The following RBM33 variants were observed in gnomAD, a reference collection of about 807,000 sequenced individuals.
RBM33 encodes RNA-binding protein 33.
RBM33 carries 28 observed loss-of-function variants against 132.6 expected under a neutral mutation model. The observed-to-expected ratio is 0.21, with a 90% CI of 0.16 to 0.29. The LOEUF (loss-of-function observed/expected upper bound fraction) is 0.29, where lower values mean the gene tolerates loss of function less well. RBM33 is among the 10% of genes least tolerant of loss of function. The probability of loss-of-function intolerance (pLI) is 1.00; values close to 1 mark genes in which losing one functional copy is unlikely to be tolerated. For synonymous variants in RBM33, 634 were observed against 593.0 expected, an observed-to-expected ratio of 1.07 and a Z score of -1.01; for missense variants, 1,291 against 1,518.5, an observed-to-expected ratio of 0.85 and a Z score of 2.49.
rs1799311660 is a variant in RBM33 at position 155,680,604 on chromosome 7, C to G, written c.263C>G (p.Thr88Arg). The change falls in exon 5 of 18, where the codon ACA (threonine) becomes AGA (arginine). Residue 88 changes from threonine (T) to arginine (R), a missense_variant. Physicochemically the swap from Thr to Arg is moderately conservative, Grantham distance 71. Transcript: ENST00000401878. ...DEENFSSQGV[T>R]ISLNATSGMV... ...GTCCTCTCTAGTTCTCAGGGTGTTA[C>G]AATTAGTCTGAATGCTACATCTGGC... 1 of 1,596,742 alleles carries G rather than the reference C, an allele frequency of 6.3e-7. No individual in the cohort carries two copies. The highest frequency in any genetic ancestry group is 8.5e-7 in the Non-Finnish European group (1 of 1,173,318).
At position 155,774,920 on chromosome 7, in the gene RBM33, G is replaced by GT; in HGVS notation, c.3465-70dup. On this transcript the variant is annotated intron_variant, in intron 17 of 17. Transcript: ENST00000401878. This position sits in a 1 kb window ranked among gnomAD's most constrained non-coding sequence, Gnocchi z 4.2. ...AAACAGGACCCACCGGGCTCTTTTA[G>GT]TTTCCTCCCACCTTGGTAGGTTGAT... 1 of 1,441,366 alleles carries GT rather than the reference G, an allele frequency of 6.9e-7. No individual in the cohort carries two copies. The highest frequency in any genetic ancestry group is 1.1e-5 in the South Asian group (1 of 87,208). 89.3% of individuals were successfully genotyped at this position (1,441,366 alleles called of 1,614,324 possible).
chr7:155,717,493 CG>C (rs1563158419), intron 8 of RBM33, among the ~76,000 whole-genome samples: 29 of 66,600 alleles, frequency 4.4e-4, no homozygotes, highest in African/African-American at 1.8e-3. Context: ...TTCTGAGGTA[CG>C]GGGGGTTGGG....
intron 1 of RBM33, among the ~76,000 whole-genome samples, chr7:155,654,643 G>T (rs1371449812): frequency 6.6e-5 from 10 of 152,072 alleles, no homozygotes; most frequent in African/African-American, 2.4e-4. Flanking sequence ...GTTATTCTCA[G>T]CCTTCATCTC....
rs762566133 is a variant in RBM33, at chr7:155,680,916, T to C, written c.567+8T>C. On this transcript the variant is annotated splice_region_variant and intron_variant, in intron 5 of 17. Transcript: ENST00000401878. ...CCTTTAGATGAATTTACAGTGAGTC[T>C]TTTCTCCTTTGTATGGCCAAAGATA... is the stretch of plus-strand genomic sequence containing the variant. 4 of 1,607,144 alleles carry C rather than the reference T, an allele frequency of 2.5e-6. No individual in the cohort carries two copies. Among genetic ancestry groups the C allele is most frequent in the East Asian group, 4.5e-5 (2 of 44,794 alleles).
chr7:155,737,398 G>A (rs1801163077), intron 9 of RBM33, 132 bp from the exon 10 acceptor site: 1 of 765,328 alleles, frequency 1.3e-6, no homozygotes, highest in Admixed American at 3.5e-5. Context: ...GAAAGAGAAA[G>A]ACAGTGACTG....
At chr7:155,740,692 A>G (rs1305226468) in intron 12 of RBM33, among the ~76,000 whole-genome samples, 2 of 152,258 alleles carry the variant, frequency 1.3e-5, no homozygotes, top group East Asian at 1.9e-4. Flanking sequence ...CTTGTCCTCC[A>G]TTAAATACAT....
chr7:155,722,199 G>A (rs191790701), intron 9 of RBM33, among the ~76,000 whole-genome samples: 148 of 152,282 alleles, frequency 9.7e-4, no homozygotes, highest in Non-Finnish European at 1.7e-3. Flanking sequence ...AGCACAGGAA[G>A]TAACATACCC....
At chr7:155,739,245 CTT>C (rs962289189) in intron 11 of RBM33, 1 of 150,162 alleles carries the variant, frequency 6.7e-6, no homozygotes, top group African/African-American at 2.5e-5. Flanking sequence ...TTTTTTTTGT[CTT>C]TTTTTAAATG....
intron 3 of RBM33, among the ~76,000 whole-genome samples, chr7:155,673,951 T>TTG (rs1563138398): frequency 6.4e-5 from 7 of 108,596 alleles, no homozygotes; most frequent in African/African-American, 2.4e-4. Context: ...TTTTTTTTTT[T>TTG]TTTTTTTTTT....
intron 1 of RBM33, among the ~76,000 whole-genome samples, chr7:155,661,130 G>GTGTATATA (rs1491263225): frequency 2.3e-5 from 2 of 85,712 alleles, no homozygotes; most frequent in Non-Finnish European, 4.5e-5. Context: ...GTGTGTGTGT[G>GTGTATATA]TATATATATA....
Position 155,765,916 on chromosome 7 carries a change from C to T in RBM33, c.3187-551C>T, listed in dbSNP as rs117674714. 2.0e-4 allele frequency among the ~76,000 whole-genome samples: 31 copies of T among 152,286 alleles called. No homozygotes were observed. In the East Asian group the frequency reaches 4.4e-3, roughly 22 times the overall value. On this transcript the variant is annotated intron_variant, in intron 15 of 17. Coordinates refer to ENST00000401878, the MANE Select transcript of RBM33 (RefSeq NM_053043.3). Reference sequence around the variant, plus strand: ...TGCAGACGATGGAAATGTGCAGCCACGGCTGAATTTCTGGTTGCAGAATCT... The same window carrying T: ...TGCAGACGATGGAAATGTGCAGCCATGGCTGAATTTCTGGTTGCAGAATCT...
At chr7:155,704,197 T>A (rs1453701930) in intron 6 of RBM33, among the ~76,000 whole-genome samples, 5 of 152,204 alleles carry the variant, frequency 3.3e-5, no homozygotes, top group African/African-American at 1.2e-4. Flanking sequence ...AGTTGTTGAT[T>A]GGTATTTTGA....
At position 155,673,799 on chromosome 7, in the gene RBM33, C is replaced by CACACACAT. The variant is rs776438670; in HGVS notation, c.171+886_171+887insACACATAC. 7.3e-4 allele frequency among the ~76,000 whole-genome samples: 109 copies of CACACACAT among 149,336 alleles called. 3 individuals carry two copies. Among genetic ancestry groups the CACACACAT allele is most frequent in the African/African-American group, 2.6e-3 (102 of 39,592 alleles). On this transcript the variant is annotated intron_variant, in intron 3 of 17. Coordinates refer to ENST00000401878, the MANE Select transcript of RBM33 (RefSeq NM_053043.3). ...ACACACACACACACACACACACACA[C>CACACACAT]ACCCCTACCAGTATATTTCGGACAT...
At chr7:155,711,146 T>C in intron 7 of RBM33, 57 bp from the exon 8 acceptor site, 1 of 1,444,274 alleles carries the variant, frequency 6.9e-7, no homozygotes. Context: ...TTCGGTGAAC[T>C]TTTGTTTTTT....
At chr7:155,706,636 A>G (rs756234190) in intron 6 of RBM33, among the ~76,000 whole-genome samples, 1 of 152,106 alleles carries the variant, frequency 6.6e-6, no homozygotes, top group Non-Finnish European at 1.5e-5. Context: ...TAACACTTGC[A>G]TTGTGTCATA....
chr7:155,673,768 G>GCGCGCGCACACACACA (rs1554469952), intron 3 of RBM33, among the ~76,000 whole-genome samples: 1 of 132,962 alleles, frequency 7.5e-6, no homozygotes, highest in African/African-American at 3.2e-5. Flanking sequence ...GCGCATGCGC[G>GCGCGCGCACACACACA]CACACACACA....
intron 9 of RBM33, among the ~76,000 whole-genome samples, chr7:155,731,596 T>A (rs1800958367): frequency 6.6e-6 from 1 of 152,206 alleles, no homozygotes; most frequent in African/African-American, 2.4e-5. Context: ...GACAAAGGTA[T>A]GATTTCATTC....
intron 5 of RBM33, among the ~76,000 whole-genome samples, chr7:155,700,545 C>G (rs1390196259): frequency 1.2e-5 from 1 of 82,804 alleles, no homozygotes; most frequent in Non-Finnish European, 2.4e-5. Context: ...AAGAATTTGA[C>G]CTTTTTTTTT....
intron 14 of RBM33, among the ~76,000 whole-genome samples, chr7:155,753,920 C>A (rs554402240): frequency 6.6e-6 from 1 of 152,330 alleles, no homozygotes; most frequent in African/African-American, 2.4e-5. Flanking sequence ...CCTGATTAAT[C>A]ACTTATTTGA....
Sources: gnomAD v4.1 joint callset for allele counts (sites outside exome capture counted in the v4.1 genomes callset) on GRCh38, gnomAD v4.1.1 for gene constraint, Gnocchi (gnomAD v3.1) non-coding constraint, MANE v1.5 for transcripts, NCBI Gene and HGNC (gene_info 2026-07-23, HGNC 2026-07-21) for gene names.